PARD3B: variants seen among roughly 807,000 people sequenced by gnomAD.
The protein encoded by PARD3B is partitioning defective 3 homolog B.
In PARD3B, 103 loss-of-function variants were observed where a neutral mutation model predicts 130.2. The observed-to-expected ratio is 0.79, with a 90% CI of 0.67 to 0.93. PARD3B has a LOEUF of 0.93. PARD3B is among the 40% of genes least tolerant of loss of function. The pLI is 0.00. For missense variants in PARD3B, 1,609 were observed against 1,499.2 expected (o/e 1.07, Z -1.21); for synonymous variants, 583 against 553.2 (o/e 1.05, Z -0.76).
rs1411493852 is a variant in PARD3B, at chr2:205,214,367, G to T, written c.2140+21047G>T. Among the ~76,000 whole-genome samples the T allele has an allele frequency of 3.3e-5, 5 of 151,838 alleles. No individual in the cohort carries two copies. The East Asian group carries it at 9.7e-4, about 29-fold the overall frequency. ...AGCAACATGAAATTGAATTACATTA[G>T]TATAGAGCAATTTGGTTGCATGTCA... is the stretch of plus-strand genomic sequence containing the variant. On this transcript the variant is annotated intron_variant, in intron 15 of 22. Transcript: ENST00000406610.
chr2:204,563,239 C>CTCTCTT (rs1374182171), intron 1 of PARD3B, among the ~76,000 whole-genome samples: 1 of 148,106 alleles, frequency 6.8e-6, no homozygotes, highest in Non-Finnish European at 1.5e-5. Context: ...CTCTCTCTCT[C>CTCTCTT]TCTCTCTCTC....
At position 204,749,452 on chromosome 2, in the gene PARD3B, A is replaced by T. The variant is rs535450961; in HGVS notation, c.222+63170A>T. ...TTAGTAACTCAAATATTTCAAGTTC[A>T]TAGAGAATATGAGTAGGAAAATAGA... On this transcript the variant is annotated intron_variant, in intron 2 of 22. Coordinates refer to ENST00000406610, the MANE Select transcript of PARD3B (RefSeq NM_001302769.2). 2.6e-5 allele frequency among the ~76,000 whole-genome samples: 4 copies of T among 152,332 alleles called. No individual in the cohort carries two copies. The East Asian group carries it at 7.7e-4, about 29-fold the overall frequency.
At chr2:205,147,664 C>G (rs1232539582) in intron 10 of PARD3B, among the ~76,000 whole-genome samples, 3 of 152,108 alleles carry the variant, frequency 2.0e-5, no homozygotes, top group African/African-American at 7.2e-5. Context: ...AATTGTCTCA[C>G]TCATATCTGT....
At chr2:204,979,632 A>G (rs1273174345) in intron 3 of PARD3B, among the ~76,000 whole-genome samples, 3 of 152,220 alleles carry the variant, frequency 2.0e-5, no homozygotes, top group Non-Finnish European at 2.9e-5. Context: ...GCTTACCTTA[A>G]CAGATATGTA....
At chr2:205,073,475 G>T (rs7568401) in intron 4 of PARD3B, among the ~76,000 whole-genome samples, 1 of 151,570 alleles carries the variant, frequency 6.6e-6, no homozygotes, top group Non-Finnish European at 1.5e-5. Context: ...CTATTTTTTC[G>T]GGAAAAAAAG....
intron 1 of PARD3B, among the ~76,000 whole-genome samples, chr2:204,554,038 G>T (rs954092883): frequency 7.9e-5 from 12 of 151,956 alleles, no homozygotes; most frequent in Admixed American, 5.2e-4. Context: ...ATAATTTATG[G>T]AAATAAAAAA....
chr2:205,341,823 T>G lies in PARD3B; in HGVS notation c.2630+40122T>G, dbSNP rs1275814499. 1.3e-5 allele frequency among the ~76,000 whole-genome samples: 2 copies of G among 152,114 alleles called. No individual in the cohort carries two copies. The highest frequency in any genetic ancestry group is 2.9e-5 in the Non-Finnish European group (2 of 67,986). Reference sequence around the variant, plus strand: ...TATACATTATATGTGCATATTAAAATATCACTCTGTATTACTCCTAAATAT... The same window carrying G: ...TATACATTATATGTGCATATTAAAAGATCACTCTGTATTACTCCTAAATAT... On this transcript the variant is annotated intron_variant, in intron 18 of 22. Transcript: ENST00000406610. This position sits in a 1 kb window ranked among gnomAD's most constrained non-coding sequence, Gnocchi z 4.3.
intron 20 of PARD3B, among the ~76,000 whole-genome samples, chr2:205,468,874 C>G (rs1401085958): frequency 6.6e-6 from 1 of 152,140 alleles, no homozygotes; most frequent in Admixed American, 6.6e-5. Flanking sequence ...TGCTAAAGCC[C>G]TTCCGTCCTC....
intron 2 of PARD3B, among the ~76,000 whole-genome samples, chr2:204,869,284 A>G (rs2045544050): frequency 6.6e-6 from 1 of 152,142 alleles, no homozygotes; most frequent in East Asian, 1.9e-4. Context: ...ATTCACATTT[A>G]GAAATTCTGG....
intron 15 of PARD3B, among the ~76,000 whole-genome samples, chr2:205,196,306 T>C (rs2036678353): frequency 1.3e-5 from 2 of 152,198 alleles, no homozygotes; most frequent in South Asian, 2.1e-4. Context: ...GAATGTGGGC[T>C]TCATTGGCAG....
chr2:205,501,650 A>G lies in PARD3B; in HGVS notation c.3180+1619A>G, dbSNP rs1301926745. ...AAAAGTGCTCTATCTCAAAACCTCT[A>G]TGAATTCCTATGAGCAAAATAAGAC... On this transcript the variant is annotated intron_variant, in intron 21 of 22. Coordinates refer to ENST00000406610, the MANE Select transcript of PARD3B (RefSeq NM_001302769.2). Among the ~76,000 whole-genome samples the G allele has an allele frequency of 3.9e-5, 6 of 152,322 alleles. No homozygotes were observed. The Middle Eastern group carries it at 0.014, about 345-fold the overall frequency.
At chr2:205,538,071 G>T (rs1559192446) in intron 21 of PARD3B, among the ~76,000 whole-genome samples, 1 of 152,128 alleles carries the variant, frequency 6.6e-6, no homozygotes, top group East Asian at 1.9e-4. Context: ...TATTGAGCAT[G>T]TGTTAGATAA....
intron 18 of PARD3B, among the ~76,000 whole-genome samples, chr2:205,335,565 A>G (rs1332532494): frequency 6.6e-6 from 1 of 152,178 alleles, no homozygotes; most frequent in Non-Finnish European, 1.5e-5. Flanking sequence ...ATGTTGGATC[A>G]TCTTGCAGAG....
chr2:205,486,943 T>C (rs773567463), intron 20 of PARD3B, among the ~76,000 whole-genome samples: 1 of 152,210 alleles, frequency 6.6e-6, no homozygotes, highest in Non-Finnish European at 1.5e-5. Context: ...GAAAAGAATG[T>C]AGGTGATATC....
intron 10 of PARD3B, among the ~76,000 whole-genome samples, chr2:205,135,170 T>A (rs1479365980): frequency 1.3e-5 from 2 of 152,206 alleles, no homozygotes; most frequent in Non-Finnish European, 2.9e-5. Context: ...ACCTACTATA[T>A]CTTATCATCC....
chr2:204,562,995 G>A (rs973280535), intron 1 of PARD3B, among the ~76,000 whole-genome samples: 1 of 152,076 alleles, frequency 6.6e-6, no homozygotes, highest in African/African-American at 2.4e-5. Context: ...CCATGACAAT[G>A]TACCACAAAC....
At chr2:204,789,998 G>A (rs2042145726) in intron 2 of PARD3B, among the ~76,000 whole-genome samples, 1 of 151,922 alleles carries the variant, frequency 6.6e-6, no homozygotes, top group South Asian at 2.1e-4. Context: ...AGCCTCCTGA[G>A]TAGCTGGGAC....
In PARD3B at chr2:205,185,807, A is replaced by T; in HGVS notation, c.1968A>T (p.Pro656=). ...ACGGATGGGCCGAGAGTGAAGTTCC[A>T]CCTTCTCCAACACCACATTCTGCTC... ...PNDGWAESEV[P]PSPTPHSALG... is the part of the protein sequence containing the mutation. Residue 656 remains proline, a synonymous_variant, in exon 14 of 23, where the codon CCA becomes CCT. Transcript: ENST00000406610. 1.9e-6 allele frequency: 3 copies of T among 1,614,110 alleles called. No individual in the cohort carries two copies. The highest frequency in any genetic ancestry group is 2.5e-6 in the Non-Finnish European group (3 of 1,180,004).
chr2:204,716,931 C>G (rs2038760414), intron 2 of PARD3B, among the ~76,000 whole-genome samples: 1 of 152,128 alleles, frequency 6.6e-6, no homozygotes, highest in Non-Finnish European at 1.5e-5. Flanking sequence ...CCAGCAACTG[C>G]TTTTGCACTA....
Sources: allele counts gnomAD v4.1 joint callset (sites outside exome capture counted in the v4.1 genomes callset), GRCh38; gene constraint gnomAD v4.1.1; non-coding constraint Gnocchi (gnomAD v3.1); transcripts MANE v1.5; gene names NCBI Gene and HGNC (gene_info 2026-07-23, HGNC 2026-07-21).